Variants in AGPAT3 observed in about 807,000 individuals in gnomAD.
The protein encoded by AGPAT3 is 1-acylglycerol-3-phosphate O-acyltransferase 3, also known as 1-acyl-sn-glycerol-3-phosphate acyltransferase gamma.
Under a neutral mutation model 47.3 loss-of-function variants are expected in AGPAT3, and 5 were observed. That is an observed-to-expected ratio of 0.11 (90% CI 0.06 to 0.22). The LOEUF (loss-of-function observed/expected upper bound fraction) is 0.22. Among genes scored for constraint, AGPAT3 ranks in the 10% least tolerant of loss-of-function variants. The pLI, the probability that AGPAT3 is intolerant of heterozygous loss-of-function variation, is 1.00. For synonymous variants in AGPAT3, 212 were observed against 208.3 expected (o/e 1.02, Z -0.15); for missense variants, 315 against 493.0 (o/e 0.64, Z 3.42).
chr21:43,893,933 GAC>G (rs2086156375), intron 1 of AGPAT3, among the ~76,000 whole-genome samples: 1 of 152,182 alleles, frequency 6.6e-6, no homozygotes, highest in Non-Finnish European at 1.5e-5. Flanking sequence ...ACCAAAATGT[GAC>G]ACAGACGCCA....
At chr21:43,973,886 C>T (rs1050299328) in intron 7 of AGPAT3, among the ~76,000 whole-genome samples, 3 of 152,320 alleles carry the variant, frequency 2.0e-5, no homozygotes, top group African/African-American at 7.2e-5. Flanking sequence ...CGAGGGCCTT[C>T]AAGTGGCTTG....
intron 2 of AGPAT3, among the ~76,000 whole-genome samples, chr21:43,937,942 A>G (rs1014126885): frequency 1.3e-5 from 2 of 152,150 alleles, no homozygotes; most frequent in African/African-American, 4.8e-5. Context: ...GCAGCCAGTC[A>G]TATTTGCATA....
chr21:43,958,144 A>T (rs2088580875), intron 2 of AGPAT3, among the ~76,000 whole-genome samples: 1 of 152,244 alleles, frequency 6.6e-6, no homozygotes, highest in African/African-American at 2.4e-5. Flanking sequence ...AATAAAAATT[A>T]TGATGCCTTC....
chr21:43,903,328 G>A (rs1451503105), intron 1 of AGPAT3, among the ~76,000 whole-genome samples: 1 of 152,154 alleles, frequency 6.6e-6, no homozygotes. Context: ...AGATGGACAG[G>A]GGTGATGATT....
intron 2 of AGPAT3, among the ~76,000 whole-genome samples, chr21:43,938,477 A>G (rs2087528343): frequency 6.6e-6 from 1 of 151,982 alleles, no homozygotes; most frequent in Admixed American, 6.6e-5. Flanking sequence ...TATTTTTAAT[A>G]GAGACAGGGT....
intron 1 of AGPAT3, among the ~76,000 whole-genome samples, chr21:43,892,844 TTTGAGGGGC>T (rs1351735995): frequency 2.6e-5 from 4 of 152,168 alleles, no homozygotes; most frequent in Admixed American, 6.5e-5. Flanking sequence ...ATCTCAGCAC[TTTGAGGGGC>T]TTGAGGTGAG....
intron 1 of AGPAT3, among the ~76,000 whole-genome samples, chr21:43,899,225 G>A (rs2086296329): frequency 6.6e-6 from 1 of 152,212 alleles, no homozygotes; most frequent in Admixed American, 6.5e-5. Context: ...TATGCTTGCT[G>A]GTTGCAGAAC....
chr21:43,873,503 G>A (rs1359994975), intron 1 of AGPAT3, among the ~76,000 whole-genome samples: 9 of 152,218 alleles, frequency 5.9e-5, no homozygotes, highest in East Asian at 5.8e-4. Flanking sequence ...TCAGCCTCCC[G>A]AGTAGCTGGG....
At chr21:43,942,968 G>A (rs1038907273) in intron 2 of AGPAT3, among the ~76,000 whole-genome samples, 11 of 152,246 alleles carry the variant, frequency 7.2e-5, no homozygotes, top group Non-Finnish European at 1.0e-4. Context: ...GACAGGCCTC[G>A]GAGCCTTGTT....
chr21:43,960,714 C>T (rs2088789533), intron 3 of AGPAT3: 5 of 985,234 alleles, frequency 5.1e-6, no homozygotes, highest in Middle Eastern at 5.2e-4. Flanking sequence ...CTGCGGCCAT[C>T]ATGGAGAGCC....
chr21:43,928,822 T>C (rs1159240576), intron 2 of AGPAT3, among the ~76,000 whole-genome samples: 1 of 152,200 alleles, frequency 6.6e-6, no homozygotes, highest in African/African-American at 2.4e-5. Flanking sequence ...GATGAGGCGC[T>C]GTCTAATTTT....
At chr21:43,968,231 G>A (rs1444512530) in intron 4 of AGPAT3, 116 bp downstream of exon 4, 4 of 1,194,366 alleles carry the variant, frequency 3.3e-6, no homozygotes, top group Non-Finnish European at 3.4e-6. Flanking sequence ...AGGGCTGGGG[G>A]TGGGGTGGTG....
chr21:43,930,150 G>A lies in AGPAT3; in HGVS notation c.-49+26131G>A, dbSNP rs2070548. ...AAAGTGGGGAATAGAGTTATCAACCGTCACTCCACGGAGAGTCTAAGGCAG... is the reference window on the plus strand; with the variant it reads ...AAAGTGGGGAATAGAGTTATCAACCATCACTCCACGGAGAGTCTAAGGCAG... On this transcript the variant is annotated intron_variant, in intron 2 of 9. Transcript: ENST00000291572. This position sits in a 1 kb window ranked among gnomAD's most constrained non-coding sequence, Gnocchi z 5.0. Among the ~76,000 whole-genome samples, 39,512 of 152,106 alleles carry A rather than the reference G, an allele frequency of 0.26. 5,909 individuals carry two copies. The highest frequency in any genetic ancestry group is 0.36 in the South Asian group (1,744 of 4,824).
chr21:43,922,299 G>A lies in AGPAT3; in HGVS notation c.-49+18280G>A, dbSNP rs1438562650. Reference sequence around the variant, plus strand: ...TTGTGGGGGTGGCGAGGCGAGGATGGTGAACACATCAGCAAACAGGAAGCG... The same window carrying A: ...TTGTGGGGGTGGCGAGGCGAGGATGATGAACACATCAGCAAACAGGAAGCG... On this transcript the variant is annotated intron_variant, in intron 2 of 9. Coordinates refer to ENST00000291572, the MANE Select transcript of AGPAT3 (RefSeq NM_020132.5). This position sits in a 1 kb window ranked among gnomAD's most constrained non-coding sequence, Gnocchi z 4.9. 6.6e-6 allele frequency among the ~76,000 whole-genome samples: 1 copy of A among 152,154 alleles called. No individual in the cohort carries two copies. The highest frequency in any genetic ancestry group is 1.5e-5 in the Non-Finnish European group (1 of 68,026).
intron 4 of AGPAT3, 58 bp downstream of exon 4, chr21:43,968,173 G>C: frequency 8.2e-6 from 13 of 1,593,230 alleles, no homozygotes; most frequent in Non-Finnish European, 9.4e-6. Context: ...GGAGGGCCGG[G>C]GGTGAGCGGG....
intron 8 of AGPAT3, among the ~76,000 whole-genome samples, chr21:43,979,296 C>A (rs2146916709): frequency 5.2e-5 from 2 of 38,810 alleles, no homozygotes; most frequent in Non-Finnish European, 9.1e-5. Flanking sequence ...GAGACTCCAA[C>A]TCAAAAAAAA....
chr21:43,905,483 C>T (rs1211407041), intron 2 of AGPAT3, among the ~76,000 whole-genome samples: 7 of 152,054 alleles, frequency 4.6e-5, no homozygotes, highest in African/African-American at 7.2e-5. Context: ...CCACTGCGCC[C>T]GGCCTAGTGT....
At chr21:43,893,482 T>C (rs992986624) in intron 1 of AGPAT3, among the ~76,000 whole-genome samples, 2 of 152,258 alleles carry the variant, frequency 1.3e-5, no homozygotes, top group African/African-American at 4.8e-5. Flanking sequence ...ACTTTTAATT[T>C]CCTCCAAGAA....
chr21:43,898,156 T>C (rs912925788), intron 1 of AGPAT3, among the ~76,000 whole-genome samples: 1 of 152,136 alleles, frequency 6.6e-6, no homozygotes, highest in Non-Finnish European at 1.5e-5. Flanking sequence ...AGAGCGACAG[T>C]TGGTTTTTTA....
Sources: allele counts gnomAD v4.1 joint callset (sites outside exome capture counted in the v4.1 genomes callset), GRCh38; gene constraint gnomAD v4.1.1; non-coding constraint Gnocchi (gnomAD v3.1); transcripts MANE v1.5; gene names NCBI Gene and HGNC (gene_info 2026-07-23, HGNC 2026-07-21).